CSGALNACT1: variants seen among roughly 807,000 people sequenced by gnomAD.
CSGALNACT1 encodes the protein chondroitin sulfate N-acetylgalactosaminyltransferase 1.
Under a neutral mutation model 51.0 loss-of-function variants are expected in CSGALNACT1, and 52 were observed. That is an observed-to-expected ratio of 1.02 (90% confidence interval 0.82 to 1.29). The LOEUF (loss-of-function observed/expected upper bound fraction) is 1.29, where lower values mean the gene tolerates loss of function less well. Ranked by LOEUF, CSGALNACT1 falls within the 50% of genes most tolerant of loss-of-function variation. The pLI, the probability that CSGALNACT1 is intolerant of heterozygous loss-of-function variation, is 0.00. For missense variants in CSGALNACT1, 935 were observed against 679.2 expected (o/e 1.38, Z -4.19); for synonymous variants, 341 against 254.4 (o/e 1.34, Z -3.24).
chr8:19,715,941 T>C (rs1021613566), intron 1 of CSGALNACT1, among the ~76,000 whole-genome samples: 13 of 152,330 alleles, frequency 8.5e-5, no homozygotes, highest in African/African-American at 2.9e-4. Flanking sequence ...GTCTTTCCTG[T>C]GCACCATGTC....
rs557948160 is a variant in CSGALNACT1, at chr8:19,638,609, C to T, written c.-543-36744G>A. 7.9e-5 allele frequency among the ~76,000 whole-genome samples: 12 copies of T among 152,002 alleles called. No homozygotes were observed. The South Asian group carries it at 2.3e-3, about 29-fold the overall frequency. ...AAAATGTATTATAATTAAATAAAAT[C>T]GAAATGCACAAAAGACTAACCCAAC... On this transcript the variant is annotated intron_variant, in intron 1 of 9. Transcript: ENST00000332246.
intron 4 of CSGALNACT1, among the ~76,000 whole-genome samples, chr8:19,486,897 G>A (rs1023985647): frequency 3.3e-5 from 5 of 152,124 alleles, no homozygotes; most frequent in South Asian, 2.1e-4. Context: ...CTGGCGCACA[G>A]TAGCTGCCCA....
rs141711370 is a variant in CSGALNACT1, at chr8:19,505,390, C to T, written c.445G>A (p.Asp149Asn). ...TACACCTTCTGTAGAGTAAAGCTAT[C>T]GAAAGGCACTGCTGCATACTCTGTG... The change falls in exon 4 of 10, where the codon GAT becomes AAT. Residue 149 changes from aspartate (D) to asparagine (N), a missense_variant. Coordinates refer to ENST00000454498, the Ensembl canonical transcript of CSGALNACT1. 39 of 1,614,056 alleles carry T rather than the reference C, an allele frequency of 2.4e-5. No homozygotes were observed. The Admixed American group carries it at 3.5e-4, about 14-fold the overall frequency.
intron 1 of CSGALNACT1, among the ~76,000 whole-genome samples, chr8:19,609,461 C>G (rs1401734727): frequency 1.3e-5 from 2 of 150,692 alleles, no homozygotes; most frequent in Non-Finnish European, 1.5e-5. Context: ...GCCAGGTAAG[C>G]AAGACAAGGA....
At chr8:19,505,621 C>T (rs777058879) in exon 4 of CSGALNACT1, 15 of 1,614,162 alleles carry the variant, frequency 9.3e-6, no homozygotes, top group Middle Eastern at 1.6e-4. Flanking sequence ...AGGCTGCTCA[C>T]GTAGTTGCGG....
chr8:19,635,734 G>A (rs759476986), intron 1 of CSGALNACT1, among the ~76,000 whole-genome samples: 14 of 152,078 alleles, frequency 9.2e-5, no homozygotes, highest in African/African-American at 2.7e-4. Context: ...TCAGCTTTTC[G>A]TTTTGTTTTT....
chr8:19,420,555 C>T, intron 6 of CSGALNACT1, 37 bp from the exon 6 acceptor site: 1 of 1,600,594 alleles, frequency 6.2e-7, no homozygotes, highest in Middle Eastern at 2.0e-4. Flanking sequence ...CTCACATTCC[C>T]ACATGTTGGC....
chr8:19,604,343 A>G (rs538066660), upstream of CSGALNACT1, among the ~76,000 whole-genome samples: 31 of 152,296 alleles, frequency 2.0e-4, no homozygotes, highest in South Asian at 6.4e-3. Context: ...GCACATCCAT[A>G]ATGTGTCCAT....
intron 1 of CSGALNACT1, among the ~76,000 whole-genome samples, chr8:19,717,994 T>A (rs1397493266): frequency 6.6e-6 from 1 of 152,268 alleles, no homozygotes; most frequent in Admixed American, 6.5e-5. Flanking sequence ...CCATCCGCCA[T>A]CAAGCCATCG....
intron 3 of CSGALNACT1, among the ~76,000 whole-genome samples, chr8:19,539,191 T>C (rs2084485956): frequency 1.3e-5 from 2 of 151,708 alleles, no homozygotes; most frequent in South Asian, 4.2e-4. Flanking sequence ...TGTGTGTGTG[T>C]GTGGTTAGGA....
intron 3 of CSGALNACT1, among the ~76,000 whole-genome samples, chr8:19,514,410 T>A (rs11780905): frequency 0.16 from 23,478 of 146,340 alleles, 2,227 homozygotes; most frequent in Non-Finnish European, 0.21. Context: ...CAAGACCAGC[T>A]GTCTCCAAAC....
intron 1 of CSGALNACT1, among the ~76,000 whole-genome samples, chr8:19,621,964 C>T (rs959283162): frequency 1.3e-5 from 2 of 152,160 alleles, no homozygotes; most frequent in African/African-American, 4.8e-5. Flanking sequence ...TTTTCTTCAT[C>T]ATTTTTCTTA....
chr8:19,566,974 T>C (rs986969314), intron 3 of CSGALNACT1, among the ~76,000 whole-genome samples: 2 of 152,228 alleles, frequency 1.3e-5, no homozygotes, highest in African/African-American at 4.8e-5. Flanking sequence ...CAGAGCCCTC[T>C]GCACAGCTCT....
chr8:19,681,193 C>A (rs1256932121), intron 1 of CSGALNACT1, among the ~76,000 whole-genome samples: 1 of 152,096 alleles, frequency 6.6e-6, no homozygotes, highest in East Asian at 1.9e-4. Context: ...CCCTGCAGAG[C>A]CCCCACTGCC....
chr8:19,707,038 C>T (rs903898087), intron 1 of CSGALNACT1, among the ~76,000 whole-genome samples: 3 of 151,692 alleles, frequency 2.0e-5, no homozygotes, highest in Non-Finnish European at 2.9e-5. Context: ...GGAGAGAGGC[C>T]GGGAAGCTCT....
intron 4 of CSGALNACT1, among the ~76,000 whole-genome samples, chr8:19,460,148 C>A (rs1487297968): frequency 3.3e-5 from 5 of 152,188 alleles, no homozygotes; most frequent in African/African-American, 1.2e-4. Flanking sequence ...CCCAACAAAT[C>A]AGAAAAGCTT....
rs190875011 is a variant in CSGALNACT1, at chr8:19,435,362, G to A, written c.953+4468C>T. On this transcript the variant is annotated intron_variant, in intron 6 of 9. Coordinates refer to ENST00000454498, the Ensembl canonical transcript of CSGALNACT1. ...ACAAGAATTCGCTGGGTGTGGTGGC[G>A]TGCGCCTATAGTCCTAGCTACCTGG... Among the ~76,000 whole-genome samples the A allele has an allele frequency of 9.3e-4, 141 of 152,128 alleles. 1 individual carries two copies. The highest frequency in any genetic ancestry group is 2.3e-3 in the South Asian group (11 of 4,818).
chr8:19,574,880 C>A (rs1588554128), intron 3 of CSGALNACT1, among the ~76,000 whole-genome samples: 1 of 152,096 alleles, frequency 6.6e-6, no homozygotes, highest in Non-Finnish European at 1.5e-5. Context: ...ACTAAAAACA[C>A]AAAAATTAGC....
chr8:19,480,773 TCCCTA>T lies in CSGALNACT1; in HGVS notation c.635-22136_635-22132del, dbSNP rs537959287. On this transcript the variant is annotated intron_variant, in intron 4 of 9. Coordinates refer to ENST00000454498, the Ensembl canonical transcript of CSGALNACT1. ...GGCTCATTTCTCTTCTCATTTCCTA[TCCCTA>T]CCAGGCTCACTCCAGCAGTGAGTTG... 7.9e-5 allele frequency among the ~76,000 whole-genome samples: 12 copies of T among 152,198 alleles called. No individual in the cohort carries two copies. The South Asian group carries it at 2.5e-3, about 32-fold the overall frequency.
Sources: gnomAD v4.1 joint callset for allele counts (sites outside exome capture counted in the v4.1 genomes callset) on GRCh38, gnomAD v4.1.1 for gene constraint, MANE v1.5 for transcripts, NCBI Gene and HGNC (gene_info 2026-07-23, HGNC 2026-07-21) for gene names.